Variants in DCDC2C observed in about 807,000 individuals in gnomAD.
DCDC2C encodes the protein doublecortin domain-containing protein 2C.
Under a neutral mutation model 45.0 loss-of-function variants are expected in DCDC2C, and 44 were observed. The observed-to-expected ratio is 0.98, with a 90% CI of 0.77 to 1.26. The LOEUF is 1.26. Ranked by LOEUF, DCDC2C falls within the 50% of genes most tolerant of loss-of-function variation. DCDC2C has a pLI of 0.00. For missense variants in DCDC2C, 447 were observed against 468.9 expected, an observed-to-expected ratio of 0.95 and a Z score of 0.43; for synonymous variants, 187 against 178.8, an observed-to-expected ratio of 1.05 and a Z score of -0.37.
At chr2:3,822,961 C>T (rs891961922) in intron 10 of DCDC2C, among the ~76,000 whole-genome samples, 1 of 152,122 alleles carries the variant, frequency 6.6e-6, no homozygotes, top group African/African-American at 2.4e-5. Flanking sequence ...ACTCTCTTGC[C>T]TGCTGCCATC....
chr2:3,790,174 CTGCCAGTG>C (rs1206032504), intron 10 of DCDC2C, among the ~76,000 whole-genome samples: 9 of 152,298 alleles, frequency 5.9e-5, no homozygotes, highest in African/African-American at 2.2e-4. Flanking sequence ...TGTGCGCCTT[CTGCCAGTG>C]TTTACCCAGA....
intron 2 of DCDC2C, among the ~76,000 whole-genome samples, chr2:3,724,137 AAATT>A (rs1668571208): frequency 6.6e-6 from 1 of 152,174 alleles, no homozygotes; most frequent in Non-Finnish European, 1.5e-5. Flanking sequence ...TCCATTCTAA[AAATT>A]AATCAGCTGC....
intron 2 of DCDC2C, among the ~76,000 whole-genome samples, chr2:3,723,221 C>A (rs148635081): frequency 6.6e-6 from 1 of 152,134 alleles, no homozygotes; most frequent in Non-Finnish European, 1.5e-5. Flanking sequence ...TGGTTGAACA[C>A]GACAACCAGG....
intron 10 of DCDC2C, among the ~76,000 whole-genome samples, chr2:3,810,758 A>G (rs1407682496): frequency 1.3e-5 from 2 of 152,200 alleles, no homozygotes; most frequent in Non-Finnish European, 2.9e-5. Context: ...ATTTTTGTAT[A>G]AGGTATAAGG....
chr2:3,717,239 A>G (rs989300117), intron 2 of DCDC2C, among the ~76,000 whole-genome samples: 1 of 152,112 alleles, frequency 6.6e-6, no homozygotes, highest in Non-Finnish European at 1.5e-5. Context: ...TCTCTCTCAA[A>G]GTCAGGACCC....
intron 10 of DCDC2C, among the ~76,000 whole-genome samples, chr2:3,816,303 G>C (rs1671556924): frequency 5.9e-3 from 2 of 338 alleles, no homozygotes; most frequent in South Asian, 0.25. Context: ...CAATTAGAGA[G>C]TGCCCAAGGG....
intron 10 of DCDC2C, among the ~76,000 whole-genome samples, chr2:3,838,123 C>T (rs1166943509): frequency 2.0e-5 from 3 of 151,930 alleles, no homozygotes; most frequent in Non-Finnish European, 4.4e-5. Flanking sequence ...GTGGTGATCG[C>T]GAGTGGAAGG....
chr2:3,843,654 C>T (rs994999804), intron 10 of DCDC2C, among the ~76,000 whole-genome samples: 10 of 152,182 alleles, frequency 6.6e-5, no homozygotes, highest in African/African-American at 2.4e-4. Flanking sequence ...TTGGGGTCTA[C>T]TGTGAAGGGC....
At chr2:3,769,534 T>A (rs1670108664) in intron 8 of DCDC2C, 123 bp downstream of exon 8, 1 of 858,808 alleles carries the variant, frequency 1.2e-6, no homozygotes, top group African/African-American at 1.7e-5. Flanking sequence ...TGTTCTGTGT[T>A]CCTCCTAGTT....
chr2:3,704,723 T>TG (rs1235794879), intron 1 of DCDC2C, among the ~76,000 whole-genome samples: 2 of 5,808 alleles, frequency 3.4e-4, no homozygotes, highest in African/African-American at 3.2e-4. Context: ...GGGAGGGGCG[T>TG]GGGGGGGAGG....
chr2:3,821,643 T>G (rs1671689322), intron 10 of DCDC2C, among the ~76,000 whole-genome samples: 1 of 152,244 alleles, frequency 6.6e-6, no homozygotes, highest in South Asian at 2.1e-4. Context: ...AACATGTGGT[T>G]TTCTTTTCCA....
chr2:3,756,678 T>C (rs928712860), intron 6 of DCDC2C, among the ~76,000 whole-genome samples: 1 of 152,242 alleles, frequency 6.6e-6, no homozygotes, highest in Non-Finnish European at 1.5e-5. Context: ...ACGGTCCTTA[T>C]CCAACTTCAT....
intron 2 of DCDC2C, among the ~76,000 whole-genome samples, chr2:3,709,286 A>T (rs1328623408): frequency 6.6e-6 from 1 of 152,180 alleles, no homozygotes; most frequent in Non-Finnish European, 1.5e-5. Flanking sequence ...CACCTGTAAA[A>T]TGGAGATGAT....
chr2:3,778,963 G>T (rs1269039923), intron 9 of DCDC2C, 79 bp downstream of exon 9: 75 of 1,368,606 alleles, frequency 5.5e-5, no homozygotes. Context: ...GTTTGGTGGT[G>T]AAAGGATCTG....
At chr2:3,794,085 A>C (rs59943318) in intron 10 of DCDC2C, among the ~76,000 whole-genome samples, 29,500 of 152,118 alleles carry the variant, frequency 0.19, 2,970 homozygotes, top group East Asian at 0.24. Flanking sequence ...TCCCTGTTAC[A>C]TTAAAATCTA....
intron 10 of DCDC2C, among the ~76,000 whole-genome samples, chr2:3,837,796 G>A (rs886613487): frequency 6.6e-6 from 1 of 152,318 alleles, no homozygotes; most frequent in African/African-American, 2.4e-5. Context: ...CCGGCCAGCC[G>A]TGTGGAGTCC....
At chr2:3,780,046 C>T (rs1670468894) in intron 9 of DCDC2C, among the ~76,000 whole-genome samples, 1 of 152,142 alleles carries the variant, frequency 6.6e-6, no homozygotes, top group Admixed American at 6.5e-5. Flanking sequence ...TCTTTATATT[C>T]CTGGATAATT....
At chr2:3,704,148 C>G in intron 1 of DCDC2C, 110 bp downstream of exon 1, 1 of 1,025,742 alleles carries the variant, frequency 9.7e-7, no homozygotes, top group Middle Eastern at 3.6e-4. Context: ...TCCCTCCCGG[C>G]TCGGGCGCCC....
chr2:3,778,689 TGCA>T (rs201835674), intron 8 of DCDC2C, 124 bp from the exon 9 acceptor site: 1 of 785,062 alleles, frequency 1.3e-6, no homozygotes, highest in African/African-American at 1.8e-5. Flanking sequence ...CTGGAGAAAC[TGCA>T]GTGACTTCCC....
Sources: gnomAD v4.1 joint callset for allele counts (sites outside exome capture counted in the v4.1 genomes callset) on GRCh38, gnomAD v4.1.1 for gene constraint, MANE v1.5 for transcripts, NCBI Gene and HGNC (gene_info 2026-07-23, HGNC 2026-07-21) for gene names.